The following ARMH3 variants were observed in gnomAD, a reference collection of about 807,000 sequenced individuals.
The protein encoded by ARMH3 is armadillo like helical domain containing 3, also known as armadillo-like helical domain-containing protein 3.
A neutral mutation model predicts 99.1 loss-of-function variants in ARMH3; 60 were observed. The observed-to-expected ratio is 0.61, with a 90% CI of 0.49 to 0.75. The LOEUF (loss-of-function observed/expected upper bound fraction) is 0.75, where lower values mean the gene tolerates loss of function less well. Among genes scored for constraint, ARMH3 ranks in the 30% least tolerant of loss-of-function variants. The pLI, the probability that ARMH3 is intolerant of heterozygous loss-of-function variation, is 0.00. For missense variants in ARMH3, 679 were observed against 843.1 expected (o/e 0.81, Z 2.41); for synonymous variants, 285 against 292.8 (o/e 0.97, Z 0.27).
At chr10:101,924,524 G>C (rs924691673) in intron 23 of ARMH3, among the ~76,000 whole-genome samples, 1 of 151,078 alleles carries the variant, frequency 6.6e-6, no homozygotes, top group Non-Finnish European at 1.5e-5. Context: ...ACCATGCCTG[G>C]CTTTTTTTTT....
intron 23 of ARMH3, among the ~76,000 whole-genome samples, chr10:101,898,276 A>G (rs2067890012): frequency 6.6e-6 from 1 of 151,722 alleles, no homozygotes; most frequent in South Asian, 2.1e-4. Flanking sequence ...GGATGATTTG[A>G]GCCAGGGATG....
intron 19 of ARMH3, among the ~76,000 whole-genome samples, chr10:101,986,280 T>C (rs1846497373): frequency 6.6e-6 from 1 of 152,172 alleles, no homozygotes; most frequent in Admixed American, 6.5e-5. Flanking sequence ...AAGTTTTCGA[T>C]GTAAGAGTAA....
intron 23 of ARMH3, among the ~76,000 whole-genome samples, chr10:101,896,474 G>A (rs1172737404): frequency 1.3e-5 from 2 of 152,112 alleles, no homozygotes; most frequent in African/African-American, 2.4e-5. Flanking sequence ...TCTTTCAGGG[G>A]GAACACAATA....
chr10:102,022,549 A>G (rs1193294196), intron 8 of ARMH3, among the ~76,000 whole-genome samples: 1 of 147,060 alleles, frequency 6.8e-6, no homozygotes, highest in Non-Finnish European at 1.5e-5. Context: ...CAACCAAAAG[A>G]CTGATTTACT....
At chr10:102,021,899 A>C (rs1037560912) in intron 8 of ARMH3, among the ~76,000 whole-genome samples, 2 of 152,028 alleles carry the variant, frequency 1.3e-5, no homozygotes, top group Non-Finnish European at 2.9e-5. Context: ...TATTTGAGTA[A>C]GACTGGTCTC....
intron 24 of ARMH3, among the ~76,000 whole-genome samples, chr10:101,852,461 G>C (rs1342550816): frequency 6.6e-6 from 1 of 152,232 alleles, no homozygotes; most frequent in Non-Finnish European, 1.5e-5. Context: ...CTCCTTGGAA[G>C]AAAACCAGAA....
At chr10:101,929,706 AT>A (rs1180134634) in intron 23 of ARMH3, among the ~76,000 whole-genome samples, 1 of 152,236 alleles carries the variant, frequency 6.6e-6, no homozygotes, top group African/African-American at 2.4e-5. Context: ...GTGAAAAAAA[AT>A]TAAAGCAATA....
intron 20 of ARMH3, among the ~76,000 whole-genome samples, chr10:101,966,709 T>C (rs558381519): frequency 6.6e-6 from 1 of 152,306 alleles, no homozygotes; most frequent in African/African-American, 2.4e-5. Flanking sequence ...ATTTTTTCTA[T>C]CCTGCTTTGA....
At chr10:101,870,978 A>C (rs985204306) in intron 24 of ARMH3, among the ~76,000 whole-genome samples, 14 of 152,282 alleles carry the variant, frequency 9.2e-5, no homozygotes, top group Admixed American at 9.2e-4. Context: ...CAAAAAACCC[A>C]AAAATCTAAT....
chr10:101,991,429 G>A (rs546969591), intron 18 of ARMH3, among the ~76,000 whole-genome samples: 33 of 152,044 alleles, frequency 2.2e-4, no homozygotes, highest in African/African-American at 7.5e-4. Context: ...CGCCCCAGCT[G>A]GAGTGCAATG....
At chr10:101,907,129 C>A (rs10509753) in intron 23 of ARMH3, among the ~76,000 whole-genome samples, 4,078 of 152,208 alleles carry the variant, frequency 0.027, 95 homozygotes, top group Non-Finnish European at 0.039. Flanking sequence ...GGGGAGACGA[C>A]CTGACATCCT....
At chr10:101,920,756 C>G (rs934915507) in intron 23 of ARMH3, among the ~76,000 whole-genome samples, 6 of 152,040 alleles carry the variant, frequency 3.9e-5, no homozygotes, top group Non-Finnish European at 8.8e-5. Flanking sequence ...GGGTCACCAA[C>G]AGATAACTGG....
At chr10:101,921,289 C>G (rs1843295999) in intron 23 of ARMH3, among the ~76,000 whole-genome samples, 1 of 152,074 alleles carries the variant, frequency 6.6e-6, no homozygotes, top group South Asian at 2.1e-4. Context: ...AGTTCCAGAA[C>G]AGGTACAACT....
chr10:102,008,247 C>T (rs1214552622), intron 13 of ARMH3, among the ~76,000 whole-genome samples: 2 of 152,148 alleles, frequency 1.3e-5, no homozygotes, highest in Non-Finnish European at 2.9e-5. Flanking sequence ...TAAGCATGAC[C>T]TTATTTTTGT....
intron 24 of ARMH3, among the ~76,000 whole-genome samples, chr10:101,865,444 A>G (rs143355151): frequency 6.6e-6 from 1 of 152,242 alleles, no homozygotes; most frequent in East Asian, 1.9e-4. Flanking sequence ...GCAGTATTAA[A>G]TTATAACTGT....
chr10:102,007,302 A>G (rs1355628638), intron 13 of ARMH3, among the ~76,000 whole-genome samples: 1 of 151,170 alleles, frequency 6.6e-6, no homozygotes, highest in East Asian at 1.9e-4. Flanking sequence ...CTAGGTTCCC[A>G]TTACATAAGT....
intron 24 of ARMH3, among the ~76,000 whole-genome samples, chr10:101,858,037 C>A (rs1195543508): frequency 2.0e-5 from 3 of 152,222 alleles, no homozygotes; most frequent in Non-Finnish European, 4.4e-5. Flanking sequence ...TAGTCAGATG[C>A]TGGACAGCTT....
intron 20 of ARMH3, among the ~76,000 whole-genome samples, chr10:101,970,759 C>T (rs1236869649): frequency 1.3e-5 from 2 of 151,704 alleles, no homozygotes; most frequent in Non-Finnish European, 2.9e-5. Flanking sequence ...CAGGAGGTCG[C>T]GACTACAATG....
rs2066464959 is a variant in ARMH3, at chr10:101,846,216, T to C, written c.*1312A>G. On this transcript the variant is annotated 3_prime_UTR_variant, in exon 26 of 26. Transcript: ENST00000370033. The stretch of plus-strand genomic sequence containing the variant: ...TGGAGGGCACCCTACCCCCAGAAAG[T>C]TCTCTCCCTCCCAGGCACTAGACCA... The C allele has an allele frequency of 6.6e-6, 1 of 152,488 alleles. No individual in the cohort carries two copies. The highest frequency in any genetic ancestry group is 2.1e-4 in the South Asian group (1 of 4,804). 9.4% of individuals were successfully genotyped at this position (152,488 alleles called of 1,614,324 possible).
Sources: allele counts gnomAD v4.1 joint callset (sites outside exome capture counted in the v4.1 genomes callset), GRCh38; gene constraint gnomAD v4.1.1; transcripts MANE v1.5; gene names NCBI Gene and HGNC (gene_info 2026-07-23, HGNC 2026-07-21).